CCDC183: variants seen among roughly 807,000 people sequenced by gnomAD.
CCDC183 encodes coiled-coil domain containing 183.
In CCDC183, 63 loss-of-function variants were observed where a neutral mutation model predicts 65.2. That is an observed-to-expected ratio of 0.97 (90% confidence interval 0.79 to 1.19). CCDC183 has a LOEUF of 1.19. CCDC183 is among the 50% of genes most tolerant of loss of function. The pLI, the probability that CCDC183 is intolerant of heterozygous loss-of-function variation, is 0.00. For synonymous variants in CCDC183, 323 were observed against 276.5 expected, an observed-to-expected ratio of 1.17 and a Z score of -1.67; for missense variants, 769 against 689.3, an observed-to-expected ratio of 1.12 and a Z score of -1.30.
Position 136,804,837 on chromosome 9 carries a change from C to T in CCDC183, c.847+21C>T, listed in dbSNP as rs989166398. On this transcript the variant is annotated intron_variant, in intron 8 of 13. Coordinates refer to ENST00000338005, the MANE Select transcript of CCDC183 (RefSeq NM_001039374.5). This position sits in a 1 kb window ranked among gnomAD's most constrained non-coding sequence, Gnocchi z 4.1. ...GAAATGTAAGCGCTCAGCTCCCCAC[C>T]TGCCCCCAGCCAGGGTCCCAAGGAG... 1.2e-6 allele frequency: 2 copies of T among 1,610,550 alleles called. No individual in the cohort carries two copies. The highest frequency in any genetic ancestry group is 1.7e-5 in the Admixed American group (1 of 59,944).
intron 8 of CCDC183, 45 bp from the exon 9 acceptor site, chr9:136,805,312 G>A (rs1419927281): frequency 3.3e-6 from 5 of 1,520,140 alleles, no homozygotes; most frequent in Non-Finnish European, 3.6e-6. Context: ...CAGAGCCCCT[G>A]AGCCATCCCT....
At chr9:136,799,448 G>C (rs1320415191) in intron 2 of CCDC183, 1 of 796,998 alleles carries the variant, frequency 1.3e-6, no homozygotes, top group African/African-American at 1.7e-5. Flanking sequence ...GCATCTGTGA[G>C]CCCACATCCT....
intron 6 of CCDC183, among the ~76,000 whole-genome samples, chr9:136,803,181 GGATGGGGTCA>G (rs1847771653): frequency 2.1e-5 from 1 of 48,316 alleles, no homozygotes; most frequent in Admixed American, 1.6e-4. Context: ...TTGGATCTTC[GGATGGGGTCA>G]AGGTGAGCTC....
Position 136,806,221 on chromosome 9 carries a change from G to A in CCDC183, c.1092G>A (p.Gln364=). 3.1e-6 allele frequency: 5 copies of A among 1,592,048 alleles called. No individual in the cohort carries two copies. Among genetic ancestry groups the A allele is most frequent in the Admixed American group, 1.7e-5 (1 of 57,416 alleles). The change falls in exon 10 of 14, where the codon CAG becomes CAA. Residue 364 remains glutamine (Q), a synonymous_variant. Transcript: ENST00000338005. Reference sequence around the variant, plus strand: ...AGGAGGCCGTGCTCAAGTTCCGCCAGAAGCCTAGCTCCATCAGGTGCCCCG... The same window carrying A: ...AGGAGGCCGTGCTCAAGTTCCGCCAAAAGCCTAGCTCCATCAGGTGCCCCG... The part of the protein sequence containing the change: ...ELEEAVLKFR[Q]KPSSISFKSV...
Position 136,804,355 on chromosome 9 carries a change from G to C in CCDC183, c.667-147G>C. 9.0e-7 allele frequency: 1 copy of C among 1,109,782 alleles called. No individual in the cohort carries two copies. Among genetic ancestry groups the C allele is most frequent in the East Asian group, 2.6e-5 (1 of 37,944 alleles). The allele number at this position is 1,109,782 out of a possible 1,614,324, so 68.7% of individuals were successfully genotyped here. On this transcript the variant is annotated intron_variant, in intron 6 of 13. Coordinates refer to ENST00000338005, the MANE Select transcript of CCDC183 (RefSeq NM_001039374.5). The surrounding 1 kb of genome is among the most constrained non-coding windows in gnomAD (Gnocchi z 4.1). Reference sequence around the variant, plus strand: ...GAGCTGAGGGGCCACGGGCACAAGTGGTTTAGGAAAAGGGTGTGGCCATTG... The same window carrying C: ...GAGCTGAGGGGCCACGGGCACAAGTCGTTTAGGAAAAGGGTGTGGCCATTG...
At chr9:136,799,927 AC>A in intron 3 of CCDC183, 74 bp from the exon 4 acceptor site, 1 of 1,532,388 alleles carries the variant, frequency 6.5e-7, no homozygotes. Flanking sequence ...ACGAGCCTCC[AC>A]CCGCCCGCCT....
intron 2 of CCDC183, 137 bp from the exon 3 acceptor site, chr9:136,799,576 T>A: frequency 1.3e-6 from 1 of 793,444 alleles, no homozygotes. Flanking sequence ...CCCGCGGCTC[T>A]CTGCTCCTCG....
At chr9:136,800,520 G>A in intron 5 of CCDC183, 27 bp downstream of exon 5, 1 of 1,537,584 alleles carries the variant, frequency 6.5e-7, no homozygotes, top group East Asian at 2.3e-5. Flanking sequence ...GGGAAGGGCG[G>A]GGGTCAGGGG....
intron 9 of CCDC183, 59 bp downstream of exon 9, chr9:136,805,516 G>T: frequency 6.8e-7 from 1 of 1,466,006 alleles, no homozygotes; most frequent in Non-Finnish European, 9.5e-7. Context: ...CTCACGTCTG[G>T]GTAATGCTCC....
At chr9:136,807,238 G>T in intron 13 of CCDC183, 172 bp downstream of exon 13, 2 of 663,120 alleles carry the variant, frequency 3.0e-6, no homozygotes. Context: ...GATGCCATGG[G>T]GAGGCTAAAG....
intron 4 of CCDC183, 55 bp from the exon 5 acceptor site, chr9:136,800,334 A>T: frequency 1.3e-6 from 2 of 1,521,366 alleles, no homozygotes; most frequent in Admixed American, 1.9e-5. Context: ...CAGCCCCGAC[A>T]CCCTCCGGGC....
At chr9:136,803,152 CCCCCCAGGGCCAGCCCTCTTG>C (rs1847769828) in intron 6 of CCDC183, among the ~76,000 whole-genome samples, 9 of 70,456 alleles carry the variant, frequency 1.3e-4, no homozygotes, top group Admixed American at 8.6e-4. Context: ...AGGGCTGGGG[CCCCCCAGGGCCAGCCCTCTTG>C]GATCTTCGGA....
chr9:136,801,140 C>T (rs1465304574), intron 5 of CCDC183, among the ~76,000 whole-genome samples: 2 of 152,198 alleles, frequency 1.3e-5, no homozygotes, highest in African/African-American at 4.8e-5. Flanking sequence ...AAGGTGACAG[C>T]ATGGAAGTGC....
At chr9:136,800,271 G>A (rs892874548) in intron 4 of CCDC183, 102 bp downstream of exon 4, 2 of 1,425,718 alleles carry the variant, frequency 1.4e-6, no homozygotes, top group African/African-American at 1.4e-5. Flanking sequence ...CCCCTGGGGA[G>A]GGCTCACGGG....
intron 8 of CCDC183, 21 bp from the exon 9 acceptor site, chr9:136,805,336 C>T (rs1445126454): frequency 6.3e-7 from 1 of 1,595,058 alleles, no homozygotes; most frequent in Non-Finnish European, 8.6e-7. Flanking sequence ...TGCTGACTGC[C>T]CCTCCCCTCT....
chr9:136,805,782 GT>G (rs1161673557), intron 9 of CCDC183, among the ~76,000 whole-genome samples: 1 of 152,142 alleles, frequency 6.6e-6, no homozygotes, highest in Middle Eastern at 3.2e-3. Context: ...TCTACATGGG[GT>G]TATCTACCCT....
intron 6 of CCDC183, among the ~76,000 whole-genome samples, chr9:136,803,517 G>T (rs1410081016): frequency 6.6e-6 from 1 of 152,176 alleles, no homozygotes; most frequent in African/African-American, 2.4e-5. Flanking sequence ...CTGTGCCAAG[G>T]TCCCTGCAAG....
At position 136,799,111 on chromosome 9, in the gene CCDC183, G is replaced by C. The variant is rs200895085; in HGVS notation, c.80G>C (p.Arg27Pro). 2.5e-4 allele frequency: 407 copies of C among 1,613,016 alleles called. No individual in the cohort carries two copies. The highest frequency in any genetic ancestry group is 3.2e-4 in the Non-Finnish European group (383 of 1,179,764). Reference sequence around the variant, plus strand: ...CTCCACCTGCCCACAGAGCAGTGTCGGGCACTCCAGATCCAAGGGGTGAAA... The same window carrying C: ...CTCCACCTGCCCACAGAGCAGTGTCCGGCACTCCAGATCCAAGGGGTGAAA... ...KTITQLQEQC[R>P]ALQIQGVKEN... The change falls in exon 2 of 14, where the codon CGG becomes CCG. Residue 27 changes from arginine to proline, a missense_variant. Arg to Pro is a moderately radical substitution (Grantham distance 103, BLOSUM62 -2). Coordinates refer to ENST00000338005, the MANE Select transcript of CCDC183 (RefSeq NM_001039374.5).
At chr9:136,799,443 T>A in intron 2 of CCDC183, 1 of 810,226 alleles carries the variant, frequency 1.2e-6, no homozygotes, top group Middle Eastern at 3.8e-4. Context: ...GCTTGGCATC[T>A]GTGAGCCCAC....
Sources: allele counts gnomAD v4.1 joint callset (sites outside exome capture counted in the v4.1 genomes callset), GRCh38; gene constraint gnomAD v4.1.1; non-coding constraint Gnocchi (gnomAD v3.1); transcripts MANE v1.5; gene names NCBI Gene and HGNC (gene_info 2026-07-23, HGNC 2026-07-21).